Variants in RBFOX1 observed in about 807,000 individuals in gnomAD.
RBFOX1 encodes the protein RNA binding protein fox-1 homolog 1.
Under a neutral mutation model 57.7 loss-of-function variants are expected in RBFOX1, and 8 were observed. The ratio of observed to expected loss-of-function variants is 0.14; its 90% CI spans 0.08 to 0.25. The LOEUF (loss-of-function observed/expected upper bound fraction) is 0.25, where lower values mean the gene tolerates loss of function less well. RBFOX1 is among the 10% of genes least tolerant of loss of function. RBFOX1 has a pLI of 1.00. For synonymous variants in RBFOX1, 326 were observed against 222.4 expected (o/e 1.47, Z -4.15); for missense variants, 611 against 548.5 (o/e 1.11, Z -1.14).
At chr16:7,166,207 T>A (rs187292888) in intron 4 of RBFOX1, among the ~76,000 whole-genome samples, 1 of 152,126 alleles carries the variant, frequency 6.6e-6, no homozygotes, top group African/African-American at 2.4e-5. Flanking sequence ...GGAGATGGGG[T>A]TTTGCCATGT....
chr16:6,533,523 TC>T lies in RBFOX1; in HGVS notation c.-63-121078del, dbSNP rs2096690261. On this transcript the variant is annotated intron_variant, in intron 2 of 15. Transcript: ENST00000550418. ...GCCTCCAGGGATGGTGCTTGATTGA[TC>T]CTGTGCTTTTACCTAGCCCCTTAAG... is the stretch of plus-strand genomic sequence containing the variant. Among the ~76,000 whole-genome samples, 5 of 152,070 alleles carry T rather than the reference TC, an allele frequency of 3.3e-5. No individual in the cohort carries two copies. The South Asian group carries it at 1.0e-3, about 31-fold the overall frequency.
Position 5,473,613 on chromosome 16 carries a change from G to T in RBFOX1, c.258+6359G>T, listed in dbSNP as rs565929521. On this transcript the variant is annotated intron_variant, in intron 2 of 2. Transcript: ENST00000585867. ...AAGATGGACGTAAGGAAGGATGGGT[G>T]GATGGATGGAAGGATAGATGTAAGG... Among the ~76,000 whole-genome samples, 218 of 146,888 alleles carry T rather than the reference G, an allele frequency of 1.5e-3. 1 individual carries two copies. In the Middle Eastern group the frequency reaches 0.017, roughly 12 times the overall value.
chr16:7,039,918 T>A (rs57599559), intron 3 of RBFOX1, among the ~76,000 whole-genome samples: 14,317 of 152,144 alleles, frequency 0.094, 1,103 homozygotes, highest in East Asian at 0.32. Context: ...CAAAAATACT[T>A]ATGTCCCTGC....
At chr16:6,157,126 C>T (rs1006409836) in intron 1 of RBFOX1, among the ~76,000 whole-genome samples, 1 of 151,890 alleles carries the variant, frequency 6.6e-6, no homozygotes, top group Non-Finnish European at 1.5e-5. Context: ...TGAGCCAACA[C>T]CCCTCTAATA....
chr16:6,274,019 G>GGCTAAA (rs1252301843), intron 1 of RBFOX1, among the ~76,000 whole-genome samples: 1 of 152,110 alleles, frequency 6.6e-6, no homozygotes, highest in Non-Finnish European at 1.5e-5. Flanking sequence ...CTATCAGAAG[G>GGCTAAA]GCTAAAACTA....
chr16:6,947,751 C>G (rs2079852069), intron 3 of RBFOX1, among the ~76,000 whole-genome samples: 1 of 152,108 alleles, frequency 6.6e-6, no homozygotes. Flanking sequence ...TCTTTTTTAG[C>G]TATTCATCTG....
chr16:5,791,896 T>C (rs932119805), intron 3 of RBFOX1, among the ~76,000 whole-genome samples: 1 of 152,196 alleles, frequency 6.6e-6, no homozygotes, highest in Non-Finnish European at 1.5e-5. Flanking sequence ...ATGGAGGTTT[T>C]GGGAAGAACC....
chr16:7,291,159 G>C (rs1188401325), intron 4 of RBFOX1, among the ~76,000 whole-genome samples: 1 of 152,154 alleles, frequency 6.6e-6, no homozygotes, highest in Non-Finnish European at 1.5e-5. Flanking sequence ...GAGATATGTA[G>C]AAGAAGTACC....
At chr16:7,604,763 T>C (rs1023148815) in intron 9 of RBFOX1, among the ~76,000 whole-genome samples, 12 of 152,192 alleles carry the variant, frequency 7.9e-5, no homozygotes, top group African/African-American at 2.9e-4. Context: ...TTATAATCTT[T>C]AAGAGCTACA....
At chr16:6,879,409 T>C (rs1347177669) in intron 3 of RBFOX1, among the ~76,000 whole-genome samples, 1 of 152,238 alleles carries the variant, frequency 6.6e-6, no homozygotes, top group Non-Finnish European at 1.5e-5. Flanking sequence ...CTCTGGTATG[T>C]AATTATTAGA....
chr16:6,398,861 C>G (rs2092948779), intron 2 of RBFOX1, among the ~76,000 whole-genome samples: 1 of 152,244 alleles, frequency 6.6e-6, no homozygotes, highest in South Asian at 2.1e-4. Context: ...CATAGCTTCA[C>G]TAGGCGGTGC....
chr16:7,325,786 C>T (rs547748040), intron 4 of RBFOX1, among the ~76,000 whole-genome samples: 1 of 152,140 alleles, frequency 6.6e-6, no homozygotes, highest in East Asian at 1.9e-4. Flanking sequence ...TTGTAGCCAT[C>T]CTCTCCTTCA....
intron 3 of RBFOX1, among the ~76,000 whole-genome samples, chr16:6,813,934 A>C (rs1349000962): frequency 6.6e-6 from 1 of 152,132 alleles, no homozygotes; most frequent in African/African-American, 2.4e-5. Flanking sequence ...TCCTCAAGTT[A>C]CCCAGCAAAC....
In RBFOX1 at chr16:7,592,827, A is replaced by C. The variant is rs548991383; in HGVS notation, c.469-2722A>C. 5.3e-5 allele frequency among the ~76,000 whole-genome samples: 8 copies of C among 152,210 alleles called. 1 individual carries two copies. In the South Asian group the frequency reaches 1.7e-3, roughly 32 times the overall value. ...AATTCTATTTATTACAAAGGATGAA[A>C]ACCTCTTTTTCAGATAGGGTGTCAC... On this transcript the variant is annotated intron_variant, in intron 7 of 15. Transcript: ENST00000550418.
At chr16:5,450,971 CA>C (rs1407755895) in intron 1 of RBFOX1, among the ~76,000 whole-genome samples, 1 of 152,170 alleles carries the variant, frequency 6.6e-6, no homozygotes, top group Non-Finnish European at 1.5e-5. Context: ...TGGGGCTGAT[CA>C]CGGGCCATAT....
At chr16:7,230,945 G>A (rs2093462299) in intron 4 of RBFOX1, among the ~76,000 whole-genome samples, 1 of 152,046 alleles carries the variant, frequency 6.6e-6, no homozygotes, top group Admixed American at 6.5e-5. Flanking sequence ...CTGATGTTAG[G>A]TAACCAGTCA....
chr16:5,832,838 G>A (rs1435214304), intron 3 of RBFOX1, among the ~76,000 whole-genome samples: 1 of 152,186 alleles, frequency 6.6e-6, no homozygotes, highest in Non-Finnish European at 1.5e-5. Flanking sequence ...CAGGAGCAAA[G>A]AGTGTACATC....
chr16:7,526,203 A>G (rs2078670705), intron 5 of RBFOX1, among the ~76,000 whole-genome samples: 1 of 152,152 alleles, frequency 6.6e-6, no homozygotes, highest in African/African-American at 2.4e-5. Context: ...TCCTGAAACC[A>G]TCCTCCCTGC....
intron 2 of RBFOX1, among the ~76,000 whole-genome samples, chr16:6,584,355 T>G: frequency 6.8e-6 from 1 of 146,700 alleles, no homozygotes; most frequent in Non-Finnish European, 1.5e-5. Context: ...TTATTATTAT[T>G]ATTATTATTA....
Sources: allele counts gnomAD v4.1 joint callset (sites outside exome capture counted in the v4.1 genomes callset), GRCh38; gene constraint gnomAD v4.1.1; transcripts MANE v1.5; gene names NCBI Gene and HGNC (gene_info 2026-07-23, HGNC 2026-07-21).